Variants in AK5 observed in about 807,000 individuals in gnomAD.
AK5 encodes adenylate kinase 5, also known as adenylate kinase isoenzyme 5.
AK5 carries 27 observed loss-of-function variants against 69.5 expected under a neutral mutation model. The ratio of observed to expected loss-of-function variants is 0.39; its 90% CI spans 0.29 to 0.54. AK5 has a LOEUF of 0.54. Ranked by LOEUF, AK5 falls within the 20% of genes least tolerant of loss-of-function variation. The probability of loss-of-function intolerance (pLI) is 0.71; values close to 1 mark genes in which losing one functional copy is unlikely to be tolerated. For synonymous variants in AK5, 260 were observed against 244.4 expected (o/e 1.06, Z -0.60); for missense variants, 531 against 700.4 (o/e 0.76, Z 2.73).
chr1:77,286,886 AAAC>A, intron 1 of AK5, 52 bp from the exon 2 acceptor site: 1 of 1,149,874 alleles, frequency 8.7e-7, no homozygotes, highest in Non-Finnish European at 1.1e-6. Flanking sequence ...ATTAAAGAAA[AAAC>A]AAAGGTGGGT....
At chr1:77,409,698 T>TA (rs1649906030) in intron 6 of AK5, among the ~76,000 whole-genome samples, 1 of 152,220 alleles carries the variant, frequency 6.6e-6, no homozygotes, top group Admixed American at 6.5e-5. Context: ...GTTGTCTGTT[T>TA]ACTCTGCTGG....
intron 13 of AK5, among the ~76,000 whole-genome samples, chr1:77,554,666 C>T (rs538646417): frequency 4.2e-4 from 64 of 152,132 alleles, no homozygotes; most frequent in African/African-American, 1.1e-3. Flanking sequence ...AGTGCAGTGG[C>T]GCGATCTCAG....
At chr1:77,433,681 G>A (rs944086608) in intron 8 of AK5, among the ~76,000 whole-genome samples, 1 of 152,080 alleles carries the variant, frequency 6.6e-6, no homozygotes, top group African/African-American at 2.4e-5. Context: ...TTACCAAGCA[G>A]CTGTAAACTA....
At position 77,417,665 on chromosome 1, in the gene AK5, A is replaced by G; in HGVS notation, c.1009A>G (p.Ile337Val). 6.2e-7 allele frequency: 1 copy of G among 1,610,010 alleles called. No individual in the cohort carries two copies. Residue 337 changes from isoleucine (I) to valine (V), a missense_variant, in exon 8 of 14, where the codon ATA becomes GTA. Ile to Val is a conservative substitution (Grantham distance 29, BLOSUM62 3). Transcript: ENST00000354567. ...AGSSDLDPSM[I>V]LDTGEIIDTG... Reference sequence around the variant, plus strand: ...TTCAAGTGACCTTGATCCTTCGATGATATTGGACACTGGAGAGATCATTGA... The same window carrying G: ...TTCAAGTGACCTTGATCCTTCGATGGTATTGGACACTGGAGAGATCATTGA...
intron 1 of AK5, among the ~76,000 whole-genome samples, chr1:77,284,271 A>G (rs562914312): frequency 2.0e-5 from 3 of 152,314 alleles, no homozygotes; most frequent in African/African-American, 4.8e-5. Context: ...TCTCCATGTG[A>G]TTAGTGTAGA....
intron 8 of AK5, among the ~76,000 whole-genome samples, chr1:77,420,664 A>G (rs1475478463): frequency 6.6e-6 from 1 of 152,256 alleles, no homozygotes; most frequent in Non-Finnish European, 1.5e-5. Context: ...CTGTAGAGTC[A>G]GAAATCAAAC....
chr1:77,399,909 A>G (rs1017786671), intron 6 of AK5, among the ~76,000 whole-genome samples: 1 of 152,176 alleles, frequency 6.6e-6, no homozygotes, highest in Non-Finnish European at 1.5e-5. Flanking sequence ...GCTTTAAGCT[A>G]CCAACCCACA....
chr1:77,399,888 G>C lies in AK5; in HGVS notation c.892-11093G>C, dbSNP rs182376310. On this transcript the variant is annotated intron_variant, in intron 6 of 13. Coordinates refer to ENST00000354567, the MANE Select transcript of AK5 (RefSeq NM_174858.3). The stretch of plus-strand genomic sequence containing the variant: ...AAAGAGGATTGCTGGGCAGTAGCCA[G>C]TTTCCCTGTAGCTTTAAGCTACCAA... Among the ~76,000 whole-genome samples the C allele has an allele frequency of 2.0e-3, 308 of 152,330 alleles. 1 individual carries two copies. Among genetic ancestry groups the C allele is most frequent in the African/African-American group, 7.1e-3 (296 of 41,586 alleles).
chr1:77,427,466 T>G (rs927154364), intron 8 of AK5, among the ~76,000 whole-genome samples: 1 of 152,144 alleles, frequency 6.6e-6, no homozygotes, highest in Non-Finnish European at 1.5e-5. Flanking sequence ...AATAGGTATA[T>G]ATTATTAAAT....
chr1:77,394,076 G>C (rs940821929), intron 6 of AK5, among the ~76,000 whole-genome samples: 6 of 151,966 alleles, frequency 3.9e-5, no homozygotes, highest in African/African-American at 1.5e-4. Flanking sequence ...TTAACTGGCT[G>C]TGGTGACGTG....
chr1:77,409,335 C>T (rs943418278), intron 6 of AK5, among the ~76,000 whole-genome samples: 3 of 152,124 alleles, frequency 2.0e-5, no homozygotes, highest in South Asian at 4.1e-4. Context: ...GAGGAATTGC[C>T]GTACTGCTTT....
chr1:77,439,775 T>TAC lies in AK5; in HGVS notation c.1059+22061_1059+22062insCA, dbSNP rs1429528589. On this transcript the variant is annotated intron_variant, in intron 8 of 13. Coordinates refer to ENST00000354567, the MANE Select transcript of AK5 (RefSeq NM_174858.3). ...AAAAGAATATGTATGTATATACATA[T>TAC]ATATGTATGTATACATGTATATGTA... 2.6e-3 allele frequency among the ~76,000 whole-genome samples: 397 copies of TAC among 151,630 alleles called. 4 individuals are homozygous for TAC. The highest frequency in any genetic ancestry group is 3.3e-3 in the Non-Finnish European group (226 of 67,770).
intron 8 of AK5, among the ~76,000 whole-genome samples, chr1:77,422,592 G>A (rs938190642): frequency 7.9e-5 from 12 of 151,858 alleles, no homozygotes; most frequent in South Asian, 2.1e-4. Flanking sequence ...CTTCTGTCCC[G>A]TGTGACCTCT....
chr1:77,308,310 T>C (rs1570353379), intron 5 of AK5, among the ~76,000 whole-genome samples: 1 of 152,160 alleles, frequency 6.6e-6, no homozygotes, highest in Admixed American at 6.6e-5. Flanking sequence ...ACTGTACTTA[T>C]CTGCCATAGT....
chr1:77,362,288 T>G (rs1244482545), intron 6 of AK5, among the ~76,000 whole-genome samples: 5 of 152,344 alleles, frequency 3.3e-5, no homozygotes, highest in South Asian at 4.1e-4. Flanking sequence ...AAAACGTTTT[T>G]GCATTCTTTT....
At chr1:77,459,235 G>T (rs1039496978) in intron 8 of AK5, among the ~76,000 whole-genome samples, 1 of 152,042 alleles carries the variant, frequency 6.6e-6, no homozygotes, top group Non-Finnish European at 1.5e-5. Context: ...CCTTTTAATG[G>T]CTTCTCACTG....
chr1:77,330,330 A>G (rs925939468), intron 5 of AK5, among the ~76,000 whole-genome samples: 1 of 152,080 alleles, frequency 6.6e-6, no homozygotes, highest in Non-Finnish European at 1.5e-5. Flanking sequence ...TATAGAAACT[A>G]TTTTCTTATG....
chr1:77,493,886 T>A (rs1355991713), intron 10 of AK5, among the ~76,000 whole-genome samples: 1 of 152,242 alleles, frequency 6.6e-6, no homozygotes, highest in Non-Finnish European at 1.5e-5. Flanking sequence ...ACCTACTTAA[T>A]GATACAAACC....
At chr1:77,361,978 C>T (rs1403289956) in intron 6 of AK5, among the ~76,000 whole-genome samples, 1 of 152,126 alleles carries the variant, frequency 6.6e-6, no homozygotes, top group East Asian at 1.9e-4. Context: ...GGGTAGGTAA[C>T]TTACCATGAC....
Sources: gnomAD v4.1 joint callset for allele counts (sites outside exome capture counted in the v4.1 genomes callset) on GRCh38, gnomAD v4.1.1 for gene constraint, MANE v1.5 for transcripts, NCBI Gene and HGNC (gene_info 2026-07-23, HGNC 2026-07-21) for gene names.